Variants in SHD observed in about 807,000 individuals in gnomAD.
SHD encodes SH2 domain-containing adapter protein D.
A neutral mutation model predicts 31.2 loss-of-function variants in SHD; 29 were observed. That is an observed-to-expected ratio of 0.93 (90% CI 0.69 to 1.27). The LOEUF is 1.27. Ranked by LOEUF, SHD falls within the 50% of genes most tolerant of loss-of-function variation. The pLI is 0.00. For synonymous variants in SHD, 208 were observed against 187.8 expected (o/e 1.11, Z -0.88); for missense variants, 520 against 453.8 (o/e 1.15, Z -1.33).
At chr19:4,283,817 A>G (rs2144716118) in intron 3 of SHD, among the ~76,000 whole-genome samples, 1 of 150,382 alleles carries the variant, frequency 6.6e-6, no homozygotes, top group East Asian at 2.1e-4. Context: ...TGACCTCGTG[A>G]TCCACCCGCC....
chr19:4,289,529 G>T (rs891318266), intron 5 of SHD, among the ~76,000 whole-genome samples: 10 of 149,476 alleles, frequency 6.7e-5, no homozygotes, highest in African/African-American at 9.8e-5. Flanking sequence ...TGCAGGTGTG[G>T]GTCACTGCAC....
chr19:4,281,066 G>A (rs2144713462), intron 1 of SHD, among the ~76,000 whole-genome samples: 1 of 151,928 alleles, frequency 6.6e-6, no homozygotes, highest in East Asian at 1.9e-4. Flanking sequence ...CTACCACTAT[G>A]TTCCCGTTTT....
At chr19:4,283,780 A>G (rs4483968) in intron 3 of SHD, among the ~76,000 whole-genome samples, 13,391 of 150,548 alleles carry the variant, frequency 0.089, 1,405 homozygotes, top group African/African-American at 0.24. Context: ...GGGTTTCACC[A>G]TGTCAGCCAG....
chr19:4,285,452 T>C lies in SHD; in HGVS notation c.716+548T>C, dbSNP rs1298950450. On this transcript the variant is annotated intron_variant, in intron 4 of 5. Transcript: ENST00000543264. ...CCAAGTCCCCAGAATCCAGACCATG[T>C]TGTCACAGTCACCCCTAAAATCTCT... Among the ~76,000 whole-genome samples, 5 of 152,222 alleles carry C rather than the reference T, an allele frequency of 3.3e-5. No individual in the cohort carries two copies. The East Asian group carries it at 9.7e-4, about 29-fold the overall frequency.
In SHD at chr19:4,280,177, G is replaced by C; in HGVS notation, c.114G>C (p.Lys38Asn). 6.2e-7 allele frequency: 1 copy of C among 1,613,802 alleles called. No individual in the cohort carries two copies. The highest frequency in any genetic ancestry group is 8.5e-7 in the Non-Finnish European group (1 of 1,179,892). Residue 38 changes from lysine to asparagine, a missense_variant, in exon 1 of 6, where the codon AAG becomes AAC. By Grantham distance (94) the Lys-to-Asn change is moderately conservative (BLOSUM62 0). Coordinates refer to ENST00000543264, the MANE Select transcript of SHD (RefSeq NM_020209.4). ...TCCTGAGGGCCTACCGCGCGCAGAA[G>C]AACCTGGACTTCGAGGACCCCTATG... is the stretch of plus-strand genomic sequence containing the variant. Reference protein sequence around the residue: ...SDILRAYRAQKNLDFEDPYED... With the variant: ...SDILRAYRAQNNLDFEDPYED...
intron 4 of SHD, among the ~76,000 whole-genome samples, chr19:4,286,200 CTT>C (rs1971308352): frequency 7.7e-6 from 1 of 130,644 alleles, no homozygotes; most frequent in Admixed American, 8.3e-5. Flanking sequence ...CCCGCTCTTT[CTT>C]TTTCTTTCTT....
At chr19:4,282,069 C>G (rs1971261693) in intron 1 of SHD, among the ~76,000 whole-genome samples, 1 of 152,118 alleles carries the variant, frequency 6.6e-6, no homozygotes, top group African/African-American at 2.4e-5. Context: ...CGTGGGAAGC[C>G]AGCCGCTGTC....
chr19:4,279,814 T>C lies in SHD; in HGVS notation c.-250T>C. The C allele has an allele frequency of 1.9e-6, 1 of 513,692 alleles. No individual in the cohort carries two copies. The highest frequency in any genetic ancestry group is 3.4e-6 in the Non-Finnish European group (1 of 294,400). The allele number at this position is 513,692 out of a possible 1,614,324, so 31.8% of individuals were successfully genotyped here. On this transcript the variant is annotated 5_prime_UTR_variant, in exon 1 of 6. Transcript: ENST00000543264. The surrounding 1 kb of genome is among the most constrained non-coding windows in gnomAD (Gnocchi z 7.5). ...TGCGAGGTCCCCCCTTCCCCCGCGG[T>C]GCTTCCCAAGCTGGGCTAAGGCGGG...
At position 4,290,642 on chromosome 19, in the gene SHD, C is replaced by T. The variant is rs201374854; in HGVS notation, c.*9C>T. 2.1e-4 allele frequency: 339 copies of T among 1,580,500 alleles called. 1 individual carries two copies. In the African/African-American group the frequency reaches 4.2e-3, roughly 20 times the overall value. On this transcript the variant is annotated 3_prime_UTR_variant, in exon 6 of 6. Transcript: ENST00000543264. ...TCACGCAGACCCCCTGACAGTGACC[C>T]TCGGCCCCCTTTTGAGTCCTCGGGC...
intron 5 of SHD, among the ~76,000 whole-genome samples, chr19:4,289,647 T>C (rs527647999): frequency 6.6e-6 from 1 of 151,662 alleles, no homozygotes; most frequent in Non-Finnish European, 1.5e-5. Context: ...CTCGGCTCAC[T>C]GCAAGCTCCG....
At chr19:4,280,757 C>T (rs1375950879) in intron 1 of SHD, among the ~76,000 whole-genome samples, 1 of 152,088 alleles carries the variant, frequency 6.6e-6, no homozygotes, top group Non-Finnish European at 1.5e-5. Context: ...AAACTCCTGA[C>T]CTCAGGTGAT....
chr19:4,283,611 C>T (rs992472685), intron 3 of SHD, among the ~76,000 whole-genome samples: 5 of 151,838 alleles, frequency 3.3e-5, no homozygotes, highest in Non-Finnish European at 7.4e-5. Context: ...CGGAGTCTCA[C>T]TCTGTCGCCC....
intron 3 of SHD, 22 bp downstream of exon 3, chr19:4,283,264 T>A: frequency 6.3e-7 from 1 of 1,596,586 alleles, no homozygotes; most frequent in Non-Finnish European, 8.6e-7. Flanking sequence ...ACCCACACTC[T>A]GACATCTGAA....
At chr19:4,289,706 GACT>G (rs1971356637) in intron 5 of SHD, among the ~76,000 whole-genome samples, 1 of 151,108 alleles carries the variant, frequency 6.6e-6, no homozygotes, top group African/African-American at 2.4e-5. Context: ...GAGTAGCTGG[GACT>G]ACAGGCGCCC....
chr19:4,286,228 TTCTTTTCTTTC>T (rs1461013154), intron 4 of SHD, among the ~76,000 whole-genome samples: 7 of 39,404 alleles, frequency 1.8e-4, no homozygotes, highest in African/African-American at 1.1e-3. Flanking sequence ...CTTTCTTTCT[TTCTTTTCTTTC>T]TTTCTTTCTT....
At chr19:4,287,172 A>G (rs1971328342) in intron 4 of SHD, among the ~76,000 whole-genome samples, 2 of 151,784 alleles carry the variant, frequency 1.3e-5, no homozygotes, top group South Asian at 4.2e-4. Flanking sequence ...CTTTACGAAA[A>G]ATGCAAAAAA....
At position 4,279,983 on chromosome 19, in the gene SHD, T is replaced by A; in HGVS notation, c.-81T>A. The stretch of plus-strand genomic sequence containing the variant: ...TCTTCCCTTCCTCTCCACCTCCTCC[T>A]CCTCCTTGGGGAAAGGGGCCCGGAG... On this transcript the variant is annotated 5_prime_UTR_variant, in exon 1 of 6. Coordinates refer to ENST00000543264, the MANE Select transcript of SHD (RefSeq NM_020209.4). The surrounding 1 kb of genome is among the most constrained non-coding windows in gnomAD (Gnocchi z 7.5). The A allele has an allele frequency of 6.9e-7, 1 of 1,450,298 alleles. No homozygotes were observed. The highest frequency in any genetic ancestry group is 9.2e-7 in the Non-Finnish European group (1 of 1,092,352). The allele number at this position is 1,450,298 out of a possible 1,614,324, so 89.8% of individuals were successfully genotyped here. A position where few individuals can be genotyped will look rare whatever the true frequency, so the allele number is the denominator to read the frequency against.
intron 4 of SHD, among the ~76,000 whole-genome samples, chr19:4,286,243 CTTT>C (rs1568369358): frequency 1.4e-4 from 15 of 104,500 alleles, no homozygotes; most frequent in African/African-American, 3.9e-4. Context: ...TTCTTTCTTT[CTTT>C]CTTTCTTTCT....
At chr19:4,285,889 C>CTTTTTTTTTTTTTTTTTTT (rs56142317) in intron 4 of SHD, among the ~76,000 whole-genome samples, 5 of 87,354 alleles carry the variant, frequency 5.7e-5, no homozygotes, top group African/African-American at 1.5e-4. Context: ...CTTTTCCTTT[C>CTTTTTTTTTTTTTTTTTTT]TTTTTTTTTT....
Sources: gnomAD v4.1 joint callset for allele counts (sites outside exome capture counted in the v4.1 genomes callset) on GRCh38, gnomAD v4.1.1 for gene constraint, Gnocchi (gnomAD v3.1) non-coding constraint, MANE v1.5 for transcripts, NCBI Gene and HGNC (gene_info 2026-07-23, HGNC 2026-07-21) for gene names.